The following AMBRA1 variants were observed in gnomAD, a reference collection of about 807,000 sequenced individuals.
AMBRA1 encodes autophagy and beclin 1 regulator 1.
Under a neutral mutation model 125.4 loss-of-function variants are expected in AMBRA1, and 47 were observed. That is an observed-to-expected ratio of 0.37 (90% confidence interval 0.30 to 0.48). AMBRA1 has a LOEUF of 0.48. Among genes scored for constraint, AMBRA1 ranks in the 20% least tolerant of loss-of-function variants. AMBRA1 has a pLI of 0.99. For missense variants in AMBRA1, 1,331 were observed against 1,693.4 expected (o/e 0.79, Z 3.76); for synonymous variants, 626 against 655.5 (o/e 0.95, Z 0.69).
chr11:46,452,391 C>T (rs753632637), intron 11 of AMBRA1, among the ~76,000 whole-genome samples: 11 of 151,940 alleles, frequency 7.2e-5, no homozygotes, highest in Non-Finnish European at 1.3e-4. Flanking sequence ...CTATGTTGCC[C>T]GGCTTGCCTT....
intron 1 of AMBRA1, among the ~76,000 whole-genome samples, chr11:46,562,354 T>C (rs904549210): frequency 2.0e-5 from 3 of 152,194 alleles, no homozygotes; most frequent in Non-Finnish European, 4.4e-5. Flanking sequence ...TAAAGACAGG[T>C]TGGTACTAGC....
At chr11:46,420,837 AT>A (rs1325522286) in intron 14 of AMBRA1, among the ~76,000 whole-genome samples, 1 of 152,194 alleles carries the variant, frequency 6.6e-6, no homozygotes, top group Non-Finnish European at 1.5e-5. Context: ...ATGATTTATA[AT>A]TGTAGGGAAT....
intron 14 of AMBRA1, 108 bp from the exon 15 acceptor site, chr11:46,418,160 T>C: frequency 9.2e-7 from 1 of 1,089,992 alleles, no homozygotes; most frequent in East Asian, 3.2e-5. Context: ...AAGGAGGTGG[T>C]TAGGCTGGGA....
intron 11 of AMBRA1, among the ~76,000 whole-genome samples, chr11:46,477,800 G>C (rs549636893): frequency 5.3e-4 from 80 of 152,210 alleles, no homozygotes; most frequent in African/African-American, 1.7e-3. Flanking sequence ...GTGAGGCCAG[G>C]CATAGTGGCT....
At chr11:46,523,097 T>C (rs1027235457) in intron 7 of AMBRA1, among the ~76,000 whole-genome samples, 2 of 152,110 alleles carry the variant, frequency 1.3e-5, no homozygotes, top group African/African-American at 4.8e-5. Flanking sequence ...TCTGCAGAAA[T>C]ATGAGGGCAG....
chr11:46,517,891 A>G (rs1951573744), intron 7 of AMBRA1, among the ~76,000 whole-genome samples: 1 of 151,824 alleles, frequency 6.6e-6, no homozygotes, highest in East Asian at 1.9e-4. Context: ...AATATAAAAA[A>G]CTATAAGCAT....
intron 1 of AMBRA1, among the ~76,000 whole-genome samples, chr11:46,592,542 G>C (rs1402510924): frequency 6.6e-6 from 1 of 152,088 alleles, no homozygotes; most frequent in Non-Finnish European, 1.5e-5. Flanking sequence ...CGAATCACTT[G>C]AGGCCAGGAG....
At chr11:46,552,024 T>G (rs1193738509) in intron 1 of AMBRA1, among the ~76,000 whole-genome samples, 1 of 147,382 alleles carries the variant, frequency 6.8e-6, no homozygotes, top group East Asian at 2.0e-4. Flanking sequence ...TGAAACTCCA[T>G]CTCCAAAAAA....
intron 11 of AMBRA1, among the ~76,000 whole-genome samples, chr11:46,463,883 C>G (rs1949210239): frequency 6.6e-6 from 1 of 152,176 alleles, no homozygotes; most frequent in South Asian, 2.1e-4. Context: ...TGTGGAAGAT[C>G]CAAGTGGGTG....
At chr11:46,570,261 C>CAAAA (rs200875374) in intron 1 of AMBRA1, among the ~76,000 whole-genome samples, 2 of 14,258 alleles carry the variant, frequency 1.4e-4, no homozygotes, top group Non-Finnish European at 1.4e-4. Context: ...GACCATGTCT[C>CAAAA]AAAAAAAAAA....
chr11:46,594,019 A>G lies in AMBRA1; in HGVS notation c.-312T>C, dbSNP rs2044701537. The G allele has an allele frequency of 2.5e-6, 1 of 398,668 alleles. No homozygotes were observed. The highest frequency in any genetic ancestry group is 3.6e-5 in the East Asian group (1 of 28,078). 24.7% of individuals were successfully genotyped at this position (398,668 alleles called of 1,614,324 possible). A position where few individuals can be genotyped will look rare whatever the true frequency, so the allele number is the denominator to read the frequency against. On this transcript the variant is annotated 5_prime_UTR_variant, in exon 1 of 18. Transcript: ENST00000683756. ...GCCGCCGCTCAGGAGACATCAAGCA[A>G]GAAGACGGCGCAAAAGATCACCGAA...
intron 11 of AMBRA1, among the ~76,000 whole-genome samples, chr11:46,490,095 A>G (rs984320072): frequency 6.6e-6 from 1 of 152,240 alleles, no homozygotes; most frequent in Non-Finnish European, 1.5e-5. Flanking sequence ...GTAGGCACTC[A>G]GCTTCATTTC....
At chr11:46,402,632 G>A (rs536079391) in intron 17 of AMBRA1, among the ~76,000 whole-genome samples, 2 of 152,268 alleles carry the variant, frequency 1.3e-5, no homozygotes, top group South Asian at 2.1e-4. Flanking sequence ...CCAAAGTGCT[G>A]GGATTACAGG....
chr11:46,470,088 T>C lies in AMBRA1; in HGVS notation c.2521+23520A>G, dbSNP rs147603362. Among the ~76,000 whole-genome samples the C allele has an allele frequency of 2.4e-3, 365 of 152,292 alleles. 1 individual carries two copies. Among genetic ancestry groups the C allele is most frequent in the Admixed American group, 3.7e-3 (56 of 15,294 alleles). ...CATTAATCAGTTATATAAATAAGAC[T>C]TGTATTATCTTCCTTAGAGCTAAAG... On this transcript the variant is annotated intron_variant, in intron 11 of 17. Transcript: ENST00000683756.
At chr11:46,559,124 A>AC (rs1288184254) in intron 1 of AMBRA1, among the ~76,000 whole-genome samples, 1 of 152,104 alleles carries the variant, frequency 6.6e-6, no homozygotes, top group East Asian at 1.9e-4. Flanking sequence ...ACATGGTGAA[A>AC]CCCCGTCTCT....
intron 1 of AMBRA1, among the ~76,000 whole-genome samples, chr11:46,589,295 C>T (rs944493681): frequency 6.6e-6 from 1 of 152,064 alleles, no homozygotes; most frequent in African/African-American, 2.4e-5. Flanking sequence ...CTTGGGGGAG[C>T]CTGAAAAGAT....
intron 7 of AMBRA1, among the ~76,000 whole-genome samples, chr11:46,537,245 C>G (rs879538052): frequency 6.6e-6 from 1 of 152,180 alleles, no homozygotes; most frequent in African/African-American, 2.4e-5. Flanking sequence ...AGGCAATGAC[C>G]TACATGAGCA....
At position 46,507,478 on chromosome 11, in the gene AMBRA1, CA is replaced by C. The variant is rs778680920; in HGVS notation, c.2339+712del. ...TGAGCGAAAGAGCGAGACTCCGTCT[CA>C]AAAAAAAAAAAAAAAAAGATTGGCT... On this transcript the variant is annotated intron_variant, in intron 9 of 17. Transcript: ENST00000683756. 2.6e-3 allele frequency among the ~76,000 whole-genome samples: 239 copies of C among 91,096 alleles called. 1 individual carries two copies. The highest frequency in any genetic ancestry group is 0.019 in the East Asian group (50 of 2,688). The allele number at this position is 91,096 out of a possible 152,430, so 59.8% of individuals were successfully genotyped here. A position where few individuals can be genotyped will look rare whatever the true frequency, so the allele number is the denominator to read the frequency against.
intron 16 of AMBRA1, among the ~76,000 whole-genome samples, chr11:46,410,012 C>A (rs537092716): frequency 4.6e-5 from 7 of 152,320 alleles, no homozygotes; most frequent in Middle Eastern, 3.4e-3. Flanking sequence ...TCTCCTCACC[C>A]CAAGTGTGCC....
Sources: gnomAD v4.1 joint callset for allele counts (sites outside exome capture counted in the v4.1 genomes callset) on GRCh38, gnomAD v4.1.1 for gene constraint, MANE v1.5 for transcripts, NCBI Gene and HGNC (gene_info 2026-07-23, HGNC 2026-07-21) for gene names.